Variants in PADI2 observed in about 807,000 individuals in gnomAD.
PADI2 encodes the protein protein-arginine deiminase type-2.
Under a neutral mutation model 81.1 loss-of-function variants are expected in PADI2, and 70 were observed. That is an observed-to-expected ratio of 0.86 (90% CI 0.71 to 1.05). The LOEUF is 1.05. Ranked by LOEUF, PADI2 falls within the 50% of genes least tolerant of loss-of-function variation. The pLI, the probability that PADI2 is intolerant of heterozygous loss-of-function variation, is 0.00. For synonymous variants in PADI2, 338 were observed against 358.0 expected, an observed-to-expected ratio of 0.94 and a Z score of 0.63; for missense variants, 853 against 889.9, an observed-to-expected ratio of 0.96 and a Z score of 0.53.
intron 14 of PADI2, among the ~76,000 whole-genome samples, chr1:17,071,027 C>G (rs903016962): frequency 3.3e-5 from 5 of 152,106 alleles, no homozygotes; most frequent in African/African-American, 9.7e-5. Context: ...TGGTCTCAAG[C>G]CCCTGGCCTG....
chr1:17,109,527 G>A (rs768668692), intron 1 of PADI2, among the ~76,000 whole-genome samples: 15 of 149,642 alleles, frequency 1.0e-4, no homozygotes, highest in Admixed American at 8.7e-4. Flanking sequence ...GTCGTGCTCT[G>A]TCATCCAGGC....
At position 17,075,807 on chromosome 1, in the gene PADI2, T is replaced by A. The variant is rs1268208405; in HGVS notation, c.1327A>T (p.Met443Leu). ...SSFPLSGGRR[M>L]TKVVRDFLKA... is the part of the protein sequence containing the mutation. Reference sequence around the variant, plus strand: ...AGGAAGTCACGCACCACCTTGGTCATCCTCCGACCACCAGACCTGGAGAAG... The same window carrying A: ...AGGAAGTCACGCACCACCTTGGTCAACCTCCGACCACCAGACCTGGAGAAG... The change falls in exon 12 of 16, where the codon ATG becomes TTG. Residue 443 changes from methionine (M) to leucine (L), a missense_variant. By Grantham distance (15) the Met-to-Leu change is conservative. Coordinates refer to ENST00000375486, the MANE Select transcript of PADI2 (RefSeq NM_007365.3). 1.2e-6 allele frequency: 2 copies of A among 1,613,696 alleles called. No individual in the cohort carries two copies. Among genetic ancestry groups the A allele is most frequent in the Non-Finnish European group, 1.7e-6 (2 of 1,179,930 alleles).
chr1:17,103,295 T>A (rs1030416905), intron 2 of PADI2, among the ~76,000 whole-genome samples: 1 of 152,246 alleles, frequency 6.6e-6, no homozygotes, highest in African/African-American at 2.4e-5. Flanking sequence ...TAGGATGCTG[T>A]CTGCCTTCCT....
chr1:17,083,158 C>T (rs1303181703), intron 9 of PADI2: 1 of 157,400 alleles, frequency 6.4e-6, no homozygotes, highest in Non-Finnish European at 1.4e-5. Context: ...CAGGTATTAT[C>T]CACCACGCGT....
chr1:17,090,193 C>A (rs1250974959), intron 6 of PADI2, among the ~76,000 whole-genome samples: 6 of 152,198 alleles, frequency 3.9e-5, no homozygotes, highest in Non-Finnish European at 4.4e-5. Flanking sequence ...GCCATAATTG[C>A]CATTTATGGA....
At chr1:17,103,204 G>A (rs1236544374) in intron 2 of PADI2, 145 bp from the exon 3 acceptor site, 2 of 648,760 alleles carry the variant, frequency 3.1e-6, no homozygotes, top group South Asian at 1.7e-5. Context: ...CCTCCAGGAA[G>A]AACTCCTGGG....
intron 6 of PADI2, among the ~76,000 whole-genome samples, chr1:17,089,104 G>A (rs1346219455): frequency 6.6e-5 from 10 of 152,146 alleles, no homozygotes; most frequent in Admixed American, 3.3e-4. Flanking sequence ...CCTGTATTAC[G>A]AGGATGTGAA....
chr1:17,083,893 G>T, intron 8 of PADI2, 56 bp from the exon 9 acceptor site: 1 of 1,020,008 alleles, frequency 9.8e-7, no homozygotes, highest in Non-Finnish European at 1.6e-6. Flanking sequence ...AGGGGCCAGA[G>T]TCATCTCCCT....
At chr1:17,104,821 T>C (rs1000665224) in intron 2 of PADI2, 57 bp downstream of exon 2, 5 of 1,436,192 alleles carry the variant, frequency 3.5e-6, no homozygotes, top group Non-Finnish European at 4.7e-6. Context: ...TGGTCCACCC[T>C]GCCTCTATCC....
At chr1:17,106,882 G>A (rs1569589125) in intron 1 of PADI2, among the ~76,000 whole-genome samples, 1 of 152,222 alleles carries the variant, frequency 6.6e-6, no homozygotes, top group East Asian at 1.9e-4. Context: ...GTGACAAGGT[G>A]GCCATTTGCA....
chr1:17,095,208 G>A (rs902256921), intron 4 of PADI2, among the ~76,000 whole-genome samples: 4 of 152,194 alleles, frequency 2.6e-5, no homozygotes, highest in Non-Finnish European at 5.9e-5. Context: ...CAAGACTGAT[G>A]GAGCCTAAAA....
intron 1 of PADI2, among the ~76,000 whole-genome samples, chr1:17,105,352 T>G (rs550974411): frequency 4.4e-4 from 67 of 152,188 alleles, no homozygotes; most frequent in African/African-American, 1.5e-3. Context: ...ATTGTGCCAC[T>G]GCACTCCAGC....
At chr1:17,075,387 G>A (rs1283485617) in intron 12 of PADI2, 6 of 394,068 alleles carry the variant, frequency 1.5e-5, no homozygotes, top group South Asian at 3.4e-5. Context: ...CTGAATTTAG[G>A]TGTGTCATGT....
intron 1 of PADI2, among the ~76,000 whole-genome samples, chr1:17,111,393 A>C (rs1883912): frequency 0.85 from 129,817 of 151,984 alleles, 55,520 homozygotes; most frequent in South Asian, 0.96. Flanking sequence ...CTGTGCCTGG[A>C]CAGAAAAGAC....
In PADI2 at chr1:17,102,838, G is replaced by A. The variant is rs112196478; in HGVS notation, c.349+149C>T. 7.9e-4 allele frequency: 489 copies of A among 622,816 alleles called. 4 individuals are homozygous for A. In the African/African-American group the frequency reaches 8.4e-3, roughly 11 times the overall value. 38.6% of individuals were successfully genotyped at this position (622,816 alleles called of 1,614,324 possible). On this transcript the variant is annotated intron_variant, in intron 3 of 15. Coordinates refer to ENST00000375486, the MANE Select transcript of PADI2 (RefSeq NM_007365.3). Reference sequence around the variant, plus strand: ...ATGGAAGGACCGGGGTGGGGCACATGTGACATCCCTCCCCAGGCCTGTGCC... The same window carrying A: ...ATGGAAGGACCGGGGTGGGGCACATATGACATCCCTCCCCAGGCCTGTGCC...
At chr1:17,080,082 C>T (rs187366002) in intron 10 of PADI2, among the ~76,000 whole-genome samples, 256 of 152,186 alleles carry the variant, frequency 1.7e-3, no homozygotes, top group African/African-American at 5.8e-3. Flanking sequence ...TGAGCCACTG[C>T]GCCCAGCCCG....
chr1:17,093,419 T>C (rs1199269671), intron 5 of PADI2, 148 bp downstream of exon 5: 3 of 652,520 alleles, frequency 4.6e-6, no homozygotes, highest in Non-Finnish European at 5.6e-6. Flanking sequence ...TGGTTTTGCC[T>C]TTGGCTTTAA....
chr1:17,117,931 A>G (rs1003021988), intron 1 of PADI2, among the ~76,000 whole-genome samples: 2 of 152,130 alleles, frequency 1.3e-5, no homozygotes, highest in African/African-American at 4.8e-5. Context: ...CTCAGAGACC[A>G]CCCAGTCCAC....
At chr1:17,109,052 G>A (rs552209097) in intron 1 of PADI2, among the ~76,000 whole-genome samples, 87 of 152,208 alleles carry the variant, frequency 5.7e-4, no homozygotes, top group African/African-American at 2.0e-3. Flanking sequence ...GAGTGCAGAG[G>A]AGAGGCCCTG....
Sources: allele counts gnomAD v4.1 joint callset (sites outside exome capture counted in the v4.1 genomes callset), GRCh38; gene constraint gnomAD v4.1.1; transcripts MANE v1.5; gene names NCBI Gene and HGNC (gene_info 2026-07-23, HGNC 2026-07-21).